The following GALNTL6 variants were observed in gnomAD, a reference collection of about 807,000 sequenced individuals.
The protein encoded by GALNTL6 is polypeptide N-acetylgalactosaminyltransferase-like 6.
Under a neutral mutation model 73.7 loss-of-function variants are expected in GALNTL6, and 46 were observed. That is an observed-to-expected ratio of 0.62 (90% CI 0.49 to 0.80). The LOEUF (loss-of-function observed/expected upper bound fraction) is 0.80, where lower values mean the gene tolerates loss of function less well. Ranked by LOEUF, GALNTL6 falls within the 30% of genes least tolerant of loss-of-function variation. The pLI is 0.00. For missense variants in GALNTL6, 604 were observed against 755.0 expected (o/e 0.80, Z 2.34); for synonymous variants, 259 against 263.7 (o/e 0.98, Z 0.17).
intron 2 of GALNTL6, among the ~76,000 whole-genome samples, chr4:172,171,681 A>T (rs1331803916): frequency 6.6e-6 from 1 of 151,774 alleles, no homozygotes; most frequent in African/African-American, 2.4e-5. Context: ...ATACAAAAAA[A>T]AAAAAAAAAT....
chr4:172,318,862 T>C (rs1245011499), intron 4 of GALNTL6, among the ~76,000 whole-genome samples: 2 of 152,096 alleles, frequency 1.3e-5, no homozygotes, highest in East Asian at 3.9e-4. Context: ...TTCAAAATCA[T>C]GTGTGTTGAA....
intron 2 of GALNTL6, among the ~76,000 whole-genome samples, chr4:172,154,959 G>A (rs1560944667): frequency 6.6e-6 from 1 of 152,058 alleles, no homozygotes; most frequent in Non-Finnish European, 1.5e-5. Context: ...TAGGGCCTTT[G>A]GGAAAGTAAT....
intron 2 of GALNTL6, among the ~76,000 whole-genome samples, chr4:172,051,959 T>G (rs1389192661): frequency 2.0e-5 from 3 of 152,156 alleles, no homozygotes; most frequent in Non-Finnish European, 4.4e-5. Context: ...GGGGCTACCC[T>G]CTCTGCCTCC....
At position 171,904,395 on chromosome 4, in the gene GALNTL6, C is replaced by T. The variant is rs200007461; in HGVS notation, c.138+89677C>T. On this transcript the variant is annotated intron_variant, in intron 2 of 12. Coordinates refer to ENST00000506823, the MANE Select transcript of GALNTL6 (RefSeq NM_001034845.3). ...GATCAACTGGAAGAAAGGGTATCAGCGATGGAAGATGAAATGAATGAAACA... is the reference window on the plus strand; with the variant it reads ...GATCAACTGGAAGAAAGGGTATCAGTGATGGAAGATGAAATGAATGAAACA... Among the ~76,000 whole-genome samples the T allele has an allele frequency of 1.3e-3, 193 of 151,870 alleles. 1 individual carries two copies. The East Asian group carries it at 0.026, about 21-fold the overall frequency.
intron 5 of GALNTL6, among the ~76,000 whole-genome samples, chr4:172,772,878 C>T (rs150709548): frequency 1.2e-4 from 18 of 152,096 alleles, no homozygotes; most frequent in Middle Eastern, 6.8e-3. Flanking sequence ...TTCAAGTGTC[C>T]TTATAAGAGG....
chr4:172,387,060 C>T (rs1743498412), intron 5 of GALNTL6, among the ~76,000 whole-genome samples: 1 of 152,052 alleles, frequency 6.6e-6, no homozygotes, highest in African/African-American at 2.4e-5. Flanking sequence ...AGGTGACAGC[C>T]AAAATTAATG....
intron 2 of GALNTL6, among the ~76,000 whole-genome samples, chr4:171,852,677 G>A (rs1735552778): frequency 6.6e-6 from 1 of 152,044 alleles, no homozygotes; most frequent in Non-Finnish European, 1.5e-5. Flanking sequence ...ATGATTTGGG[G>A]AATTATTGCC....
chr4:172,987,889 AT>A (rs2126448017), intron 10 of GALNTL6, among the ~76,000 whole-genome samples: 1 of 152,336 alleles, frequency 6.6e-6, no homozygotes, highest in South Asian at 2.1e-4. Flanking sequence ...TACAGGAATT[AT>A]AGTTCCTGTT....
At chr4:172,336,322 G>A (rs1741323791) in intron 4 of GALNTL6, among the ~76,000 whole-genome samples, 1 of 134,904 alleles carries the variant, frequency 7.4e-6, no homozygotes, top group Non-Finnish European at 1.6e-5. Flanking sequence ...CCAGGCTGGA[G>A]TGCAGTGACT....
At chr4:172,757,688 C>A (rs545246699) in intron 5 of GALNTL6, among the ~76,000 whole-genome samples, 85 of 152,284 alleles carry the variant, frequency 5.6e-4, no homozygotes, top group African/African-American at 1.9e-3. Context: ...ATCAAGTAAC[C>A]TGACACATAA....
At chr4:172,403,075 A>G (rs1429270242) in intron 5 of GALNTL6, among the ~76,000 whole-genome samples, 3 of 152,192 alleles carry the variant, frequency 2.0e-5, no homozygotes, top group South Asian at 2.1e-4. Flanking sequence ...AATAGAAATT[A>G]TAAAGCTAAA....
chr4:171,869,807 C>T (rs1017741000), intron 2 of GALNTL6, among the ~76,000 whole-genome samples: 23 of 151,802 alleles, frequency 1.5e-4, no homozygotes, highest in African/African-American at 4.9e-4. Flanking sequence ...CAAGTTCAGA[C>T]GGTTTTATCA....
chr4:171,885,774 C>T (rs1736591398), intron 2 of GALNTL6, among the ~76,000 whole-genome samples: 1 of 152,130 alleles, frequency 6.6e-6, no homozygotes, highest in African/African-American at 2.4e-5. Flanking sequence ...CACTACACTC[C>T]AGCCTGAGTC....
chr4:171,821,860 G>A (rs1057121727), intron 2 of GALNTL6, among the ~76,000 whole-genome samples: 3 of 151,456 alleles, frequency 2.0e-5, no homozygotes, highest in African/African-American at 7.3e-5. Context: ...AAACTAAAAG[G>A]GCATTTTTCT....
chr4:172,313,374 C>T (rs1408218227), intron 4 of GALNTL6, among the ~76,000 whole-genome samples: 2 of 152,120 alleles, frequency 1.3e-5, no homozygotes, highest in African/African-American at 4.8e-5. Context: ...CCGCCCACCT[C>T]AGCCTCCCAA....
chr4:172,373,254 G>A (rs1026533105), intron 5 of GALNTL6, among the ~76,000 whole-genome samples: 9 of 152,238 alleles, frequency 5.9e-5, no homozygotes, highest in African/African-American at 2.2e-4. Context: ...GGGAGTCAGA[G>A]TGCAGGGGAA....
intron 9 of GALNTL6, among the ~76,000 whole-genome samples, chr4:172,947,078 T>C (rs1749204000): frequency 6.6e-6 from 1 of 152,130 alleles, no homozygotes; most frequent in African/African-American, 2.4e-5. Context: ...AGAAATTCCC[T>C]TTAGCAGCCA....
At chr4:172,042,864 T>TAAAAAAAAAAAAAAA (rs397996272) in intron 2 of GALNTL6, among the ~76,000 whole-genome samples, 3 of 44,400 alleles carry the variant, frequency 6.8e-5, no homozygotes, top group African/African-American at 2.5e-4. Flanking sequence ...TCTTTAACAG[T>TAAAAAAAAAAAAAAA]AAAAAAAAAA....
rs371729904 is a variant in GALNTL6 at position 172,306,085 on chromosome 4, A to C, written c.248-5529A>C. On this transcript the variant is annotated intron_variant, in intron 3 of 12. Transcript: ENST00000506823. ...GTATACATTTTACTTAGGGCATATG[A>C]ATTTGAAAATAAAAATATGTTGGCC... Among the ~76,000 whole-genome samples the C allele has an allele frequency of 2.5e-4, 38 of 152,204 alleles. 1 individual carries two copies. In the East Asian group the frequency reaches 6.4e-3, roughly 26 times the overall value.
Sources: allele counts gnomAD v4.1 joint callset (sites outside exome capture counted in the v4.1 genomes callset), GRCh38; gene constraint gnomAD v4.1.1; transcripts MANE v1.5; gene names NCBI Gene and HGNC (gene_info 2026-07-23, HGNC 2026-07-21).